NFATC1: variants seen among roughly 807,000 people sequenced by gnomAD.
The protein encoded by NFATC1 is nuclear factor of activated T-cells, cytoplasmic 1.
Under a neutral mutation model 76.0 loss-of-function variants are expected in NFATC1, and 22 were observed. That is an observed-to-expected ratio of 0.29 (90% CI 0.21 to 0.41). NFATC1 has a LOEUF of 0.41. NFATC1 is among the 10% of genes least tolerant of loss of function. The pLI is 1.00. For missense variants in NFATC1, 1,357 were observed against 1,337.7 expected (o/e 1.01, Z -0.23); for synonymous variants, 704 against 613.1 (o/e 1.15, Z -2.19).
chr18:79,403,710 G>A (rs1600589660), intron 1 of NFATC1, among the ~76,000 whole-genome samples: 1 of 152,376 alleles, frequency 6.6e-6, no homozygotes, highest in Non-Finnish European at 1.5e-5. Context: ...CACTGCTGGG[G>A]CATTTAATGG....
chr18:79,412,195 A>G (rs2085715314), intron 2 of NFATC1, among the ~76,000 whole-genome samples: 1 of 152,204 alleles, frequency 6.6e-6, no homozygotes, highest in African/African-American at 2.4e-5. Flanking sequence ...CGCTGGGTCC[A>G]CTTAACCAGC....
At chr18:79,517,749 A>G (rs2090418606) in intron 9 of NFATC1, among the ~76,000 whole-genome samples, 1 of 152,256 alleles carries the variant, frequency 6.6e-6, no homozygotes, top group African/African-American at 2.4e-5. Flanking sequence ...AGACTTGAAT[A>G]ATCATAGCAC....
intron 3 of NFATC1, among the ~76,000 whole-genome samples, chr18:79,441,985 G>A (rs2086994711): frequency 6.6e-6 from 1 of 152,166 alleles, no homozygotes; most frequent in South Asian, 2.1e-4. Flanking sequence ...TGGGGCCCCT[G>A]CACCCTCCAC....
At chr18:79,411,950 T>C (rs910275820) in intron 2 of NFATC1, among the ~76,000 whole-genome samples, 2 of 152,092 alleles carry the variant, frequency 1.3e-5, no homozygotes, top group African/African-American at 4.8e-5. Context: ...GGTGGTTGCC[T>C]GCTGCTCCCG....
rs893221282 is a variant in NFATC1 at position 79,451,374 on chromosome 18, G to A, written c.1762+248G>A. 5.9e-5 allele frequency among the ~76,000 whole-genome samples: 9 copies of A among 152,276 alleles called. No homozygotes were observed. The East Asian group carries it at 9.6e-4, about 16-fold the overall frequency. On this transcript the variant is annotated intron_variant, in intron 5 of 9. Coordinates refer to ENST00000427363, the MANE Select transcript of NFATC1 (RefSeq NM_001278669.2). ...ATGGCCAGGGAAAGCGGTGTGGGCC[G>A]GGGCTTCCCCTCACGCTGCGCTGAC...
At chr18:79,399,612 C>T (rs2085115958) in intron 1 of NFATC1, among the ~76,000 whole-genome samples, 1 of 152,240 alleles carries the variant, frequency 6.6e-6, no homozygotes, top group South Asian at 2.1e-4. Flanking sequence ...AGGGTGGGAC[C>T]CGAACTCGCC....
chr18:79,424,232 T>C (rs914596984), intron 2 of NFATC1, among the ~76,000 whole-genome samples: 2 of 151,300 alleles, frequency 1.3e-5, no homozygotes, highest in Non-Finnish European at 2.9e-5. Flanking sequence ...ACGCGGCGTG[T>C]GCGGGCCCAC....
At chr18:79,521,560 C>T (rs1427953401) in intron 9 of NFATC1, among the ~76,000 whole-genome samples, 1 of 102,604 alleles carries the variant, frequency 9.7e-6, no homozygotes, top group African/African-American at 4.0e-5. Flanking sequence ...GGGGGGCATC[C>T]ACTGATGTGT....
intron 9 of NFATC1, among the ~76,000 whole-genome samples, chr18:79,525,071 G>A (rs1394489675): frequency 3.5e-5 from 2 of 57,636 alleles, no homozygotes; most frequent in Non-Finnish European, 7.0e-5. Flanking sequence ...TCCTCCCCAC[G>A]TCCCACCGTC....
rs1288259369 is a variant in NFATC1, at chr18:79,467,557, G to A, written c.2067G>A (p.Gln689=). 1 of 1,614,040 alleles carries A rather than the reference G, an allele frequency of 6.2e-7. No individual in the cohort carries two copies. Among genetic ancestry groups the A allele is most frequent in the Non-Finnish European group, 8.5e-7 (1 of 1,179,982 alleles). Residue 689 remains glutamine, a synonymous_variant, in exon 8 of 10, where the codon CAG becomes CAA. Transcript: ENST00000427363. ...GGAAGAGAAAGCGAAGCCAGTACCA[G>A]CGTTTCACCTACCTTCCCGCCAACG... The part of the protein sequence containing the change: ...CNGKRKRSQY[Q]RFTYLPANVP...
intron 6 of NFATC1, among the ~76,000 whole-genome samples, chr18:79,457,993 G>C (rs1372915043): frequency 6.6e-6 from 1 of 152,238 alleles, no homozygotes; most frequent in African/African-American, 2.4e-5. Context: ...GATGGCACTA[G>C]GCCACGTCCA....
intron 8 of NFATC1, among the ~76,000 whole-genome samples, chr18:79,484,719 G>C (rs2089443844): frequency 1.3e-5 from 2 of 152,240 alleles, no homozygotes; most frequent in African/African-American, 4.8e-5. Flanking sequence ...GCGGACTCAG[G>C]CTGGTGAGAT....
chr18:79,426,684 G>C (rs1213493354), intron 2 of NFATC1, among the ~76,000 whole-genome samples: 3 of 152,268 alleles, frequency 2.0e-5, no homozygotes, highest in East Asian at 3.8e-4. Context: ...CTGTGACTCA[G>C]CTGCAGCCTC....
chr18:79,469,752 C>A (rs968865357), intron 8 of NFATC1: 30 of 985,650 alleles, frequency 3.0e-5, no homozygotes, highest in Non-Finnish European at 3.3e-5. Flanking sequence ...TCTCTTCTCT[C>A]CTGGACGTAG....
chr18:79,527,193 G>T (rs572463670), intron 9 of NFATC1: 1 of 248,014 alleles, frequency 4.0e-6, no homozygotes, highest in South Asian at 7.1e-5. Context: ...TGCTGGTGTG[G>T]ACCTGTGGGT....
At chr18:79,511,497 C>CA (rs1456545563) in intron 9 of NFATC1, among the ~76,000 whole-genome samples, 1 of 152,226 alleles carries the variant, frequency 6.6e-6, no homozygotes, top group African/African-American at 2.4e-5. Flanking sequence ...GGGAGGGCGG[C>CA]ACAGGTAATG....
intron 9 of NFATC1, among the ~76,000 whole-genome samples, chr18:79,512,885 C>T (rs1048868983): frequency 1.3e-5 from 2 of 152,218 alleles, no homozygotes; most frequent in African/African-American, 4.8e-5. Context: ...ATAGCCTTCC[C>T]GTGTGAATGT....
intron 6 of NFATC1, 81 bp from the exon 7 acceptor site, chr18:79,461,230 G>A: frequency 6.5e-7 from 1 of 1,536,616 alleles, no homozygotes; most frequent in Non-Finnish European, 9.0e-7. Flanking sequence ...CAGGGCCCTG[G>A]GTCTGGATCA....
intron 9 of NFATC1, among the ~76,000 whole-genome samples, chr18:79,503,604 G>T (rs917168286): frequency 3.3e-5 from 5 of 152,148 alleles, no homozygotes; most frequent in Non-Finnish European, 7.3e-5. Flanking sequence ...ATTCTTAGGG[G>T]CCTTGGGATT....
Sources: gnomAD v4.1 joint callset for allele counts (sites outside exome capture counted in the v4.1 genomes callset) on GRCh38, gnomAD v4.1.1 for gene constraint, MANE v1.5 for transcripts, NCBI Gene and HGNC (gene_info 2026-07-23, HGNC 2026-07-21) for gene names.